The following DHX34 variants were observed in gnomAD, a reference collection of about 807,000 sequenced individuals.
The protein encoded by DHX34 is DExH-box helicase 34.
Under a neutral mutation model 111.1 loss-of-function variants are expected in DHX34, and 96 were observed. The observed-to-expected ratio is 0.86, with a 90% CI of 0.73 to 1.02. The LOEUF is 1.02. Ranked by LOEUF, DHX34 falls within the 50% of genes least tolerant of loss-of-function variation. The pLI, the probability that DHX34 is intolerant of heterozygous loss-of-function variation, is 0.00. For synonymous variants in DHX34, 688 were observed against 670.4 expected, an observed-to-expected ratio of 1.03 and a Z score of -0.41; for missense variants, 1,560 against 1,579.9, an observed-to-expected ratio of 0.99 and a Z score of 0.21.
rs149884083 is a variant in DHX34, at chr19:47,376,470, G to A, written c.2509G>A (p.Ala837Thr). The A allele has an allele frequency of 7.1e-4, 1,147 of 1,611,308 alleles. 2 individuals are homozygous for A. Among genetic ancestry groups the A allele is most frequent in the Middle Eastern group, 1.5e-3 (9 of 5,996 alleles). ...QIFHTQAKQGAVLHPTCVFAG... is the reference protein window; with the variant it reads ...QIFHTQAKQGTVLHPTCVFAG... ...TTTCCACACGCAGGCCAAGCAGGGCGCCGTGCTGCACCCCACCTGCGTCTT... is the reference window on the plus strand; with the variant it reads ...TTTCCACACGCAGGCCAAGCAGGGCACCGTGCTGCACCCCACCTGCGTCTT... Residue 837 changes from alanine (A) to threonine (T), a missense_variant, in exon 12 of 17, where the codon GCC (alanine) becomes ACC (threonine). Physicochemically the swap from Ala to Thr is moderately conservative, Grantham distance 58. Coordinates refer to ENST00000328771, the MANE Select transcript of DHX34 (RefSeq NM_014681.6).
rs1442890004 is a variant in DHX34, at chr19:47,353,389, G to A, written c.359G>A (p.Gly120Glu). Residue 120 changes from glycine (G) to glutamate (E), a missense_variant, in exon 2 of 17, where the codon GGA becomes GAA. Gly to Glu is a moderately conservative substitution (Grantham distance 98). Transcript: ENST00000328771. This position sits in a 1 kb window ranked among gnomAD's most constrained non-coding sequence, Gnocchi z 4.6. ...GGCCCTGCCACGCGGGGCTCTCAGG[G>A]ACTGGGCAGGCACTTGCCCGCGGAG... ...VLGPATRGSQ[G>E]LGRHLPAERV... 1 of 1,614,164 alleles carries A rather than the reference G, an allele frequency of 6.2e-7. No individual in the cohort carries two copies. The highest frequency in any genetic ancestry group is 1.7e-5 in the Admixed American group (1 of 60,008).
At chr19:47,374,853 C>T (rs1568404489) in intron 9 of DHX34, among the ~76,000 whole-genome samples, 1 of 152,202 alleles carries the variant, frequency 6.6e-6, no homozygotes, top group African/African-American at 2.4e-5. Flanking sequence ...GACACACATG[C>T]ACGCACAATC....
chr19:47,362,731 C>T, intron 6 of DHX34, 38 bp downstream of exon 6: 1 of 1,544,488 alleles, frequency 6.5e-7, no homozygotes, highest in Non-Finnish European at 8.7e-7. Context: ...ATCCTAACTG[C>T]TGGCACAGGG....
intron 7 of DHX34, among the ~76,000 whole-genome samples, chr19:47,371,903 G>A (rs531564822): frequency 1.3e-5 from 2 of 151,932 alleles, no homozygotes; most frequent in South Asian, 2.1e-4. Flanking sequence ...CGGTGGGGGC[G>A]GGTCAGACAC....
intron 14 of DHX34, among the ~76,000 whole-genome samples, chr19:47,380,523 AGGGG>A (rs71332988): frequency 1.4e-5 from 2 of 138,520 alleles, no homozygotes; most frequent in African/African-American, 5.7e-5. Flanking sequence ...TAGGAGGAGG[AGGGG>A]GGAGGTGGCC....
At position 47,377,097 on chromosome 19, in the gene DHX34, C is replaced by T; in HGVS notation, c.2600-3C>T. 6.2e-7 allele frequency: 1 copy of T among 1,613,958 alleles called. No individual in the cohort carries two copies. The highest frequency in any genetic ancestry group is 8.5e-7 in the Non-Finnish European group (1 of 1,179,926). ...GCCTGAGCGGTCCTCCTCAACCTTTCAGACGACAAGGACAAGATGAGCAGC... is the reference window on the plus strand; with the variant it reads ...GCCTGAGCGGTCCTCCTCAACCTTTTAGACGACAAGGACAAGATGAGCAGC... On this transcript the variant is annotated splice_region_variant and splice_polypyrimidine_tract_variant and intron_variant, in intron 12 of 16. Coordinates refer to ENST00000328771, the MANE Select transcript of DHX34 (RefSeq NM_014681.6).
At chr19:47,366,898 T>G (rs1260902388) in intron 6 of DHX34, 83 bp from the exon 7 acceptor site, 11 of 1,418,350 alleles carry the variant, frequency 7.8e-6, no homozygotes, top group Non-Finnish European at 1.0e-5. Flanking sequence ...TAAAACGTCA[T>G]GAATTTGTGA....
rs764483792 is a variant in DHX34, at chr19:47,375,943, G to A, written c.2327G>A (p.Arg776Gln). Reference protein sequence around the residue: ...VDIQDVKFKLRHDLAQLQAAA... With the variant: ...VDIQDVKFKLQHDLAQLQAAA... ...CCCCAGGATGTGAAGTTCAAGCTTCGGCATGACCTGGCGCAGCTGCAGGCC... is the reference window on the plus strand; with the variant it reads ...CCCCAGGATGTGAAGTTCAAGCTTCAGCATGACCTGGCGCAGCTGCAGGCC... The change falls in exon 11 of 17, where the codon CGG (arginine) becomes CAG (glutamine). Residue 776 changes from arginine (R) to glutamine (Q), a missense_variant. Transcript: ENST00000328771. 18 of 1,602,238 alleles carry A rather than the reference G, an allele frequency of 1.1e-5. No homozygotes were observed. The highest frequency in any genetic ancestry group is 2.2e-4 in the Middle Eastern group (1 of 4,588).
At position 47,353,659 on chromosome 19, in the gene DHX34, C is replaced by T; in HGVS notation, c.629C>T (p.Thr210Ile). 1.2e-6 allele frequency: 2 copies of T among 1,613,038 alleles called. No individual in the cohort carries two copies. The highest frequency in any genetic ancestry group is 1.7e-5 in the Admixed American group (1 of 59,974). The change falls in exon 2 of 17, where the codon ACC becomes ATC. Residue 210 changes from threonine to isoleucine, a missense_variant. By Grantham distance (89) the Thr-to-Ile change is moderately conservative (BLOSUM62 -1). Transcript: ENST00000328771. This position sits in a 1 kb window ranked among gnomAD's most constrained non-coding sequence, Gnocchi z 4.6. Reference sequence around the variant, plus strand: ...GCTGGCTTCAGTCATGTGGCGTGCACCCAGCCCCGGCGGATCGCCTGCATC... The same window carrying T: ...GCTGGCTTCAGTCATGTGGCGTGCATCCAGCCCCGGCGGATCGCCTGCATC... ...LAAGFSHVAC[T>I]QPRRIACISL...
chr19:47,378,496 G>A (rs896447549), intron 13 of DHX34, among the ~76,000 whole-genome samples: 5 of 152,148 alleles, frequency 3.3e-5, no homozygotes, highest in South Asian at 2.1e-4. Flanking sequence ...CGCAGGAAGC[G>A]GAACAGACCT....
At chr19:47,358,611 C>T (rs1289437973) in intron 4 of DHX34, among the ~76,000 whole-genome samples, 4 of 151,274 alleles carry the variant, frequency 2.6e-5, no homozygotes, top group Admixed American at 6.6e-5. Context: ...TCACTAAACT[C>T]CATTAATTTT....
intron 6 of DHX34, among the ~76,000 whole-genome samples, chr19:47,366,245 C>T (rs1349822177): frequency 1.3e-5 from 2 of 152,178 alleles, no homozygotes; most frequent in Non-Finnish European, 2.9e-5. Flanking sequence ...CCTGCCTCTG[C>T]ACAGTGGATC....
chr19:47,375,879 G>A (rs1368136070), intron 10 of DHX34, 45 bp from the exon 11 acceptor site: 1 of 1,548,260 alleles, frequency 6.5e-7, no homozygotes, highest in Non-Finnish European at 8.7e-7. Flanking sequence ...CATGGTAGGA[G>A]CCCCTCAGGT....
intron 9 of DHX34, 117 bp from the exon 10 acceptor site, chr19:47,375,347 GCT>G: frequency 7.0e-7 from 1 of 1,427,220 alleles, no homozygotes; most frequent in Non-Finnish European, 9.1e-7. Context: ...CATGCGAGGG[GCT>G]GTTTTCAGCC....
chr19:47,350,010 G>A (rs1420404615), intron 1 of DHX34, among the ~76,000 whole-genome samples: 2 of 152,098 alleles, frequency 1.3e-5, no homozygotes, highest in Non-Finnish European at 2.9e-5. Context: ...GTAAAATAGG[G>A]GGTGATCATA....
At position 47,378,028 on chromosome 19, in the gene DHX34, G is replaced by T. The variant is rs1022273707; in HGVS notation, c.2706+822G>T. Among the ~76,000 whole-genome samples, 3 of 152,138 alleles carry T rather than the reference G, an allele frequency of 2.0e-5. No homozygotes were observed. In the South Asian group the frequency reaches 6.2e-4, roughly 31 times the overall value. ...GGACTGAAGCTCAGGCAGGGGCGGG[G>T]ATACGTCACCTAAGTCACACACCGA... On this transcript the variant is annotated intron_variant, in intron 13 of 16. Transcript: ENST00000328771.
intron 4 of DHX34, among the ~76,000 whole-genome samples, chr19:47,358,545 T>C (rs1323786810): frequency 6.6e-6 from 1 of 151,546 alleles, no homozygotes; most frequent in African/African-American, 2.4e-5. Context: ...CCTTGACTTC[T>C]TGGGCTCAAG....
chr19:47,371,463 G>C (rs979916632), intron 7 of DHX34, among the ~76,000 whole-genome samples: 3 of 152,238 alleles, frequency 2.0e-5, no homozygotes, highest in Non-Finnish European at 4.4e-5. Flanking sequence ...TACAGATGGG[G>C]AAGCAGCGTC....
At chr19:47,355,678 C>T (rs920153847) in intron 3 of DHX34, among the ~76,000 whole-genome samples, 1 of 152,026 alleles carries the variant, frequency 6.6e-6, no homozygotes, top group Non-Finnish European at 1.5e-5. Context: ...GAAACCCCAT[C>T]TCTACTAAAA....
Sources: gnomAD v4.1 joint callset for allele counts (sites outside exome capture counted in the v4.1 genomes callset) on GRCh38, gnomAD v4.1.1 for gene constraint, Gnocchi (gnomAD v3.1) non-coding constraint, MANE v1.5 for transcripts, NCBI Gene and HGNC (gene_info 2026-07-23, HGNC 2026-07-21) for gene names.